Variants in RBM7 observed in about 807,000 individuals in gnomAD.
RBM7 encodes RNA binding motif protein 7.
RBM7 carries 13 observed loss-of-function variants against 31.0 expected under a neutral mutation model. The observed-to-expected ratio is 0.42, with a 90% CI of 0.27 to 0.67. The LOEUF (loss-of-function observed/expected upper bound fraction) is 0.67. Ranked by LOEUF, RBM7 falls within the 30% of genes least tolerant of loss-of-function variation. The probability of loss-of-function intolerance (pLI) is 0.24; values close to 1 mark genes in which losing one functional copy is unlikely to be tolerated. For missense variants in RBM7, 245 were observed against 326.2 expected (o/e 0.75, Z 1.92); for synonymous variants, 106 against 111.2 (o/e 0.95, Z 0.30).
chr11:114,404,590 C>T (rs1946241778), intron 3 of RBM7, among the ~76,000 whole-genome samples: 1 of 151,922 alleles, frequency 6.6e-6, no homozygotes, highest in Non-Finnish European at 1.5e-5. Context: ...ATAGTCCCAG[C>T]TACTTGGAAG....
In RBM7 at chr11:114,408,094, A is replaced by G. The variant is rs906997644; in HGVS notation, c.*287A>G. 1.4e-4 allele frequency: 29 copies of G among 200,452 alleles called. No homozygotes were observed. The highest frequency in any genetic ancestry group is 6.2e-4 in the African/African-American group (27 of 43,384). 12.4% of individuals were successfully genotyped at this position (200,452 alleles called of 1,614,324 possible). A position where few individuals can be genotyped will look rare whatever the true frequency, so the allele number is the denominator to read the frequency against. On this transcript the variant is annotated 3_prime_UTR_variant, in exon 5 of 5. Coordinates refer to ENST00000375490, the MANE Select transcript of RBM7 (RefSeq NM_001286045.2). Reference sequence around the variant, plus strand: ...AGGAGGGGGTGAAGTTGTATGATAAAGCAGATATTTTAATTATTTGTTATC... The same window carrying G: ...AGGAGGGGGTGAAGTTGTATGATAAGGCAGATATTTTAATTATTTGTTATC...
chr11:114,405,582 C>G, intron 3 of RBM7, 124 bp from the exon 4 acceptor site: 1 of 487,886 alleles, frequency 2.0e-6, no homozygotes, highest in East Asian at 3.4e-5. Context: ...CTTATTCTGG[C>G]TGCATGAGAG....
rs990925234 is a variant in RBM7, at chr11:114,408,815, A to G, written c.*1008A>G. 1.3e-5 allele frequency: 2 copies of G among 152,182 alleles called. No homozygotes were observed. Among genetic ancestry groups the G allele is most frequent in the Non-Finnish European group, 2.9e-5 (2 of 68,008 alleles). 9.4% of individuals were successfully genotyped at this position (152,182 alleles called of 1,614,324 possible). ...AGATACTGTTTTCATTTCATTACAG[A>G]ATTGTTTATAAAAGTTCATTTGTTG... On this transcript the variant is annotated 3_prime_UTR_variant, in exon 5 of 5. Coordinates refer to ENST00000375490, the MANE Select transcript of RBM7 (RefSeq NM_001286045.2).
At chr11:114,402,643 G>A (rs547832323) in intron 2 of RBM7, among the ~76,000 whole-genome samples, 185 bp from the exon 3 acceptor site, 24 of 152,070 alleles carry the variant, frequency 1.6e-4, no homozygotes, top group African/African-American at 5.8e-4. Context: ...GGCCTCGAGA[G>A]ATGTGCCCAC....
At chr11:114,403,116 A>G (rs991064665) in intron 3 of RBM7, among the ~76,000 whole-genome samples, 1 of 152,212 alleles carries the variant, frequency 6.6e-6, no homozygotes, top group South Asian at 2.1e-4. Flanking sequence ...CACATTGTAT[A>G]TAGTCCCCTT....
chr11:114,405,838 A>T (rs1268736553), intron 4 of RBM7, 39 bp downstream of exon 4: 1 of 1,356,592 alleles, frequency 7.4e-7, no homozygotes, highest in East Asian at 2.4e-5. Flanking sequence ...GCCAAAAAAA[A>T]ATCATCCTTA....
intron 1 of RBM7, 99 bp downstream of exon 1, chr11:114,400,866 C>G (rs1045384609): frequency 6.3e-5 from 85 of 1,355,534 alleles, no homozygotes; most frequent in Non-Finnish European, 8.3e-5. Flanking sequence ...TCAGGGGACC[C>G]GACGGGTGGC....
chr11:114,402,855 G>T lies in RBM7; in HGVS notation c.287G>T (p.Ser96Ile). 1 of 1,613,084 alleles carries T rather than the reference G, an allele frequency of 6.2e-7. No homozygotes were observed. Among genetic ancestry groups the T allele is most frequent in the Middle Eastern group, 1.7e-4 (1 of 6,018 alleles). Reference sequence around the variant, plus strand: ...AGTAGTCATGCCCCACAAGATGTCAGTTTGTCATATCCCCAACATCATGTT... The same window carrying T: ...AGTAGTCATGCCCCACAAGATGTCATTTTGTCATATCCCCAACATCATGTT... ...SGSSHAPQDV[S>I]LSYPQHHVGN... The change falls in exon 3 of 5, where the codon AGT becomes ATT. Residue 96 changes from serine to isoleucine, a missense_variant. Transcript: ENST00000375490.
rs1344001674 is a variant in RBM7 at position 114,402,816 on chromosome 11, G to T, written c.260-12G>T. ...TCTATCAAGAATAATTTTTCAAATT[G>T]TTTCATTTTAGGAAGTAGTCATGCC... On this transcript the variant is annotated splice_polypyrimidine_tract_variant and intron_variant, in intron 2 of 4. Coordinates refer to ENST00000375490, the MANE Select transcript of RBM7 (RefSeq NM_001286045.2). The T allele has an allele frequency of 1.9e-6, 3 of 1,597,942 alleles. No individual in the cohort carries two copies. Among genetic ancestry groups the T allele is most frequent in the Admixed American group, 1.7e-5 (1 of 59,510 alleles).
intron 3 of RBM7, among the ~76,000 whole-genome samples, chr11:114,404,363 A>G (rs1280318402): frequency 6.6e-6 from 1 of 152,224 alleles, no homozygotes; most frequent in Non-Finnish European, 1.5e-5. Context: ...TGGAATAGTG[A>G]GCCAGCAATA....
chr11:114,402,111 GA>G (rs1946210380), intron 2 of RBM7: 1 of 375,646 alleles, frequency 2.7e-6, no homozygotes, highest in Admixed American at 5.0e-5. Context: ...GTATCACTAA[GA>G]GAGCTGGGCT....
intron 2 of RBM7, among the ~76,000 whole-genome samples, chr11:114,402,379 ATTCTTTTTTTTTTTT>A (rs1170793056): frequency 5.5e-4 from 47 of 85,508 alleles, no homozygotes; most frequent in Middle Eastern, 0.02. Context: ...GCAGCTTGAG[ATTCTTTTTTTTTTTT>A]TTTTTTTTTT....
chr11:114,401,506 C>T (rs566232956), intron 1 of RBM7, among the ~76,000 whole-genome samples, 192 bp from the exon 2 acceptor site: 8 of 152,264 alleles, frequency 5.3e-5, no homozygotes, highest in African/African-American at 1.9e-4. Context: ...GGCCCCCTTC[C>T]CCAAATAAAT....
At chr11:114,404,690 G>GA (rs5794912) in intron 3 of RBM7, among the ~76,000 whole-genome samples, 74,561 of 147,224 alleles carry the variant, frequency 0.51, 22,062 homozygotes, top group African/African-American at 0.84. Context: ...GAATTTCTTT[G>GA]AAAAAAAAAA....
chr11:114,400,731 A>G lies in RBM7; in HGVS notation c.60A>G (p.Lys20=), dbSNP rs745834553. Residue 20 remains lysine (K), a synonymous_variant, in exon 1 of 5, where the codon AAA becomes AAG. Coordinates refer to ENST00000375490, the MANE Select transcript of RBM7 (RefSeq NM_001286045.2). ...TCTTTGTGGGCAACCTTGAAACGAAAGTGACCGAGGAGCTCCTTTTCGAGC... is the reference window on the plus strand; with the variant it reads ...TCTTTGTGGGCAACCTTGAAACGAAGGTGACCGAGGAGCTCCTTTTCGAGC... ...RTLFVGNLET[K]VTEELLFELF... The G allele has an allele frequency of 2.5e-6, 4 of 1,614,200 alleles. No homozygotes were observed. The highest frequency in any genetic ancestry group is 1.3e-5 in the African/African-American group (1 of 75,048).
chr11:114,404,230 G>A (rs923880137), intron 3 of RBM7, among the ~76,000 whole-genome samples: 8 of 152,156 alleles, frequency 5.3e-5, no homozygotes, highest in African/African-American at 1.9e-4. Context: ...ATAGAGCAGT[G>A]AGGAAGCTTT....
chr11:114,401,955 C>T (rs1256515113), intron 2 of RBM7, 95 bp downstream of exon 2: 8 of 1,299,562 alleles, frequency 6.2e-6, no homozygotes, highest in Non-Finnish European at 8.4e-6. Context: ...GATGAAACTT[C>T]TTTCTTAAGC....
Position 114,402,382 on chromosome 11 carries a change from C to CT in RBM7, c.260-407dup, listed in dbSNP as rs71063570. ...AAGCGGTCTACAGCAGCTTGAGATT[C>CT]TTTTTTTTTTTTTTTTTTTTTTTTT... On this transcript the variant is annotated intron_variant, in intron 2 of 4. Transcript: ENST00000375490. Among the ~76,000 whole-genome samples the CT allele has an allele frequency of 4.8e-4, 24 of 50,126 alleles. 5 individuals carry two copies. The highest frequency in any genetic ancestry group is 1.2e-3 in the East Asian group (2 of 1,680). The allele number at this position is 50,126 out of a possible 152,430, so 32.9% of individuals were successfully genotyped here.
At chr11:114,403,403 T>C (rs1010542658) in intron 3 of RBM7, among the ~76,000 whole-genome samples, 5 of 152,228 alleles carry the variant, frequency 3.3e-5, no homozygotes, top group African/African-American at 1.2e-4. Flanking sequence ...TGTGTAATCT[T>C]GAGCTAGTCT....
Sources: gnomAD v4.1 joint callset for allele counts (sites outside exome capture counted in the v4.1 genomes callset) on GRCh38, gnomAD v4.1.1 for gene constraint, MANE v1.5 for transcripts, NCBI Gene and HGNC (gene_info 2026-07-23, HGNC 2026-07-21) for gene names.